The following CBFA2T2 variants were observed in gnomAD, a reference collection of about 807,000 sequenced individuals.
The protein encoded by CBFA2T2 is protein CBFA2T2.
A neutral mutation model predicts 62.2 loss-of-function variants in CBFA2T2; 11 were observed. That is an observed-to-expected ratio of 0.18 (90% CI 0.11 to 0.29). The LOEUF is 0.29. Ranked by LOEUF, CBFA2T2 falls within the 10% of genes least tolerant of loss-of-function variation. CBFA2T2 has a pLI of 1.00. For synonymous variants in CBFA2T2, 295 were observed against 287.5 expected (o/e 1.03, Z -0.27); for missense variants, 592 against 774.1 (o/e 0.76, Z 2.79).
intron 1 of CBFA2T2, among the ~76,000 whole-genome samples, chr20:33,537,545 T>C (rs2012298783): frequency 6.6e-6 from 1 of 152,152 alleles, no homozygotes; most frequent in Non-Finnish European, 1.5e-5. Flanking sequence ...TCTTTTTAGC[T>C]TTTATAGCTT....
In CBFA2T2 at chr20:33,594,689, T is replaced by C. The variant is rs8117791; in HGVS notation, c.35-12267T>C. The stretch of plus-strand genomic sequence containing the variant: ...TGTCTCCCGAAAAAAAAGTGAGGTT[T>C]ATTTTTGGCCAAGAAGACTAAAGTT... On this transcript the variant is annotated intron_variant, in intron 1 of 10. Transcript: ENST00000342704. 7.2e-3 allele frequency among the ~76,000 whole-genome samples: 1,090 copies of C among 152,328 alleles called. 17 individuals carry two copies. Among genetic ancestry groups the C allele is most frequent in the African/African-American group, 0.025 (1,055 of 41,574 alleles).
At chr20:33,631,142 GTC>G (rs2016434324) in intron 8 of CBFA2T2, among the ~76,000 whole-genome samples, 1 of 151,882 alleles carries the variant, frequency 6.6e-6, no homozygotes, top group Non-Finnish European at 1.5e-5. Flanking sequence ...GTGAAACCCC[GTC>G]TCTACTAAAA....
At chr20:33,555,012 T>C (rs897234642) in intron 1 of CBFA2T2, among the ~76,000 whole-genome samples, 2 of 152,182 alleles carry the variant, frequency 1.3e-5, no homozygotes, top group Non-Finnish European at 2.9e-5. Flanking sequence ...TCAGGCAGCA[T>C]TCAAAACTGG....
chr20:33,500,359 T>C (rs1319499310), intron 1 of CBFA2T2, among the ~76,000 whole-genome samples: 1 of 151,996 alleles, frequency 6.6e-6, no homozygotes, highest in African/African-American at 2.4e-5. Context: ...TGAAGATAAT[T>C]GATTTCCCAT....
At position 33,629,918 on chromosome 20, in the gene CBFA2T2, AGGGGAGAGTCTAC is replaced by A; in HGVS notation, c.1228+8_1228+20del. Reference sequence around the variant, plus strand: ...AGTGCAGATTCTCTCAGCAATGGTAAGGGGAGAGTCTACGGGAAACCCAAAATAAATGTCAGCC... The same window carrying A: ...AGTGCAGATTCTCTCAGCAATGGTAAGGGAAACCCAAAATAAATGTCAGCC... On this transcript the variant is annotated splice_donor_5th_base_variant and intron_variant, in intron 8 of 10. Transcript: ENST00000342704. The A allele has an allele frequency of 6.2e-7, 1 of 1,607,538 alleles. No individual in the cohort carries two copies. Among genetic ancestry groups the A allele is most frequent in the Non-Finnish European group, 8.5e-7 (1 of 1,177,550 alleles).
intron 8 of CBFA2T2, among the ~76,000 whole-genome samples, chr20:33,634,351 C>G (rs1343320982): frequency 6.6e-6 from 1 of 152,094 alleles, no homozygotes; most frequent in Non-Finnish European, 1.5e-5. Flanking sequence ...CCGGGCCCTT[C>G]TGGATGTTAT....
At chr20:33,543,584 AG>A (rs768437241) in intron 1 of CBFA2T2, among the ~76,000 whole-genome samples, 3 of 152,174 alleles carry the variant, frequency 2.0e-5, no homozygotes, top group Non-Finnish European at 4.4e-5. Flanking sequence ...CTGAACTTGA[AG>A]GTGTTTTAGA....
chr20:33,603,253 T>A (rs1259588697), intron 1 of CBFA2T2, among the ~76,000 whole-genome samples: 1 of 152,218 alleles, frequency 6.6e-6, no homozygotes, highest in East Asian at 1.9e-4. Flanking sequence ...GGAAAAAATA[T>A]CACTGCTATC....
chr20:33,617,780 T>A (rs1360125215), intron 3 of CBFA2T2, among the ~76,000 whole-genome samples: 1 of 152,232 alleles, frequency 6.6e-6, no homozygotes, highest in Non-Finnish European at 1.5e-5. Context: ...ATTTTTTTGG[T>A]ATGAAATGTG....
intron 1 of CBFA2T2, among the ~76,000 whole-genome samples, chr20:33,506,463 C>A (rs1024626733): frequency 2.6e-5 from 4 of 151,944 alleles, no homozygotes; most frequent in Admixed American, 6.6e-5. Flanking sequence ...TAAGTGAAAC[C>A]ATTAACAACT....
At chr20:33,638,197 A>G (rs1314591863) in intron 9 of CBFA2T2, among the ~76,000 whole-genome samples, 1 of 150,508 alleles carries the variant, frequency 6.6e-6, no homozygotes, top group Non-Finnish European at 1.5e-5. Flanking sequence ...CTGGTTTCGA[A>G]CTCTTGACTT....
At chr20:33,525,624 AT>A (rs2146865251) in intron 1 of CBFA2T2, among the ~76,000 whole-genome samples, 1 of 152,102 alleles carries the variant, frequency 6.6e-6, no homozygotes, top group African/African-American at 2.4e-5. Context: ...ATTACTGTCT[AT>A]TTTTCCTTTC....
At chr20:33,544,830 C>T (rs2012493218) in intron 1 of CBFA2T2, among the ~76,000 whole-genome samples, 1 of 152,194 alleles carries the variant, frequency 6.6e-6, no homozygotes, top group Non-Finnish European at 1.5e-5. Context: ...CAGGCGTGAG[C>T]CACTGTGCCC....
intron 1 of CBFA2T2, among the ~76,000 whole-genome samples, chr20:33,530,998 G>T (rs2012044202): frequency 2.0e-5 from 3 of 152,050 alleles, no homozygotes; most frequent in African/African-American, 7.2e-5. Flanking sequence ...CAGGAGAATT[G>T]CTTGAACCTA....
intron 1 of CBFA2T2, among the ~76,000 whole-genome samples, chr20:33,595,663 C>G (rs371184934): frequency 2.6e-5 from 4 of 152,032 alleles, no homozygotes; most frequent in Admixed American, 2.6e-4. Flanking sequence ...GCAATCCTCC[C>G]AAGGAGCTGG....
In CBFA2T2 at chr20:33,541,046, C is replaced by T. The variant is rs1167540665; in HGVS notation, c.34+50745C>T. On this transcript the variant is annotated intron_variant, in intron 1 of 10. Transcript: ENST00000342704. Reference sequence around the variant, plus strand: ...GTAAAGTTTAAGATGCACTGTGGGACGCTAGAAAGTAATTTGCAGGCAGCC... The same window carrying T: ...GTAAAGTTTAAGATGCACTGTGGGATGCTAGAAAGTAATTTGCAGGCAGCC... 3.3e-5 allele frequency among the ~76,000 whole-genome samples: 5 copies of T among 152,134 alleles called. No homozygotes were observed. In the East Asian group the frequency reaches 7.7e-4, roughly 23 times the overall value.
At chr20:33,524,714 T>C (rs1316447361) in intron 1 of CBFA2T2, among the ~76,000 whole-genome samples, 1 of 152,248 alleles carries the variant, frequency 6.6e-6, no homozygotes, top group African/African-American at 2.4e-5. Context: ...CTTGCTATGC[T>C]AGAAATGAGC....
chr20:33,507,929 C>T (rs2011432505), intron 1 of CBFA2T2, among the ~76,000 whole-genome samples: 1 of 152,090 alleles, frequency 6.6e-6, no homozygotes, highest in African/African-American at 2.4e-5. Context: ...ACCAGCAAAG[C>T]ATGACCCAAG....
At chr20:33,621,265 A>G (rs139001600) in intron 4 of CBFA2T2, among the ~76,000 whole-genome samples, 10 of 128,104 alleles carry the variant, frequency 7.8e-5, no homozygotes, top group Non-Finnish European at 1.7e-4. Flanking sequence ...GAGTATCTCT[A>G]TAATACCTTT....
Sources: gnomAD v4.1 joint callset for allele counts (sites outside exome capture counted in the v4.1 genomes callset) on GRCh38, gnomAD v4.1.1 for gene constraint, MANE v1.5 for transcripts, NCBI Gene and HGNC (gene_info 2026-07-23, HGNC 2026-07-21) for gene names.